Variants in HECW2 observed in about 807,000 individuals in gnomAD.
HECW2 encodes the protein E3 ubiquitin-protein ligase HECW2.
A neutral mutation model predicts 175.2 loss-of-function variants in HECW2; 61 were observed. The ratio of observed to expected loss-of-function variants is 0.35; its 90% CI spans 0.28 to 0.43. HECW2 has a LOEUF of 0.43. Among genes scored for constraint, HECW2 ranks in the 20% least tolerant of loss-of-function variants. HECW2 has a pLI of 1.00. For synonymous variants in HECW2, 671 were observed against 731.0 expected, an observed-to-expected ratio of 0.92 and a Z score of 1.32; for missense variants, 1,524 against 2,000.5, an observed-to-expected ratio of 0.76 and a Z score of 4.54.
At chr2:196,454,243 G>GT (rs1696435232) in intron 1 of HECW2, among the ~76,000 whole-genome samples, 1 of 152,134 alleles carries the variant, frequency 6.6e-6, no homozygotes, top group South Asian at 2.1e-4. Flanking sequence ...TACATGTATA[G>GT]TTACTTTAAT....
intron 19 of HECW2, among the ~76,000 whole-genome samples, chr2:196,243,705 G>A (rs956094895): frequency 6.6e-6 from 1 of 151,560 alleles, no homozygotes; most frequent in Admixed American, 6.6e-5. Context: ...TCAGCCTCCC[G>A]AGTAGCTGGG....
intron 28 of HECW2, among the ~76,000 whole-genome samples, chr2:196,202,304 T>C (rs528300551): frequency 6.6e-6 from 1 of 152,338 alleles, no homozygotes; most frequent in East Asian, 1.9e-4. Context: ...TCTATACTTT[T>C]ACTCTGATAA....
At chr2:196,303,217 T>C (rs185214436) in intron 13 of HECW2, among the ~76,000 whole-genome samples, 103 of 152,364 alleles carry the variant, frequency 6.8e-4, no homozygotes, top group Non-Finnish European at 1.2e-3. Flanking sequence ...GAATCACATG[T>C]ATTGATTTGC....
chr2:196,329,883 A>G (rs1182118475), intron 4 of HECW2, among the ~76,000 whole-genome samples: 3 of 152,232 alleles, frequency 2.0e-5, no homozygotes, highest in Admixed American at 6.5e-5. Flanking sequence ...AAAATTTCCA[A>G]TAACTATGAA....
In HECW2 at chr2:196,317,260, T is replaced by C. The variant is rs756229704; in HGVS notation, c.2434+14A>G. The C allele has an allele frequency of 6.9e-6, 11 of 1,599,398 alleles. No homozygotes were observed. The South Asian group carries it at 1.1e-4, about 16-fold the overall frequency. ...TTTGATTAAGGTGGGCCCTTTTAAC[T>C]AACAGGTCCTCACTTGGTGGGAGAG... is the stretch of plus-strand genomic sequence containing the variant. On this transcript the variant is annotated intron_variant, in intron 10 of 28. Transcript: ENST00000644978.
At position 196,437,611 on chromosome 2, in the gene HECW2, C is replaced by CA. The variant is rs59563276; in HGVS notation, c.-35-4154dup. On this transcript the variant is annotated intron_variant, in intron 1 of 28. Coordinates refer to ENST00000644978, the MANE Select transcript of HECW2 (RefSeq NM_001348768.2). The stretch of plus-strand genomic sequence containing the variant: ...TGGGCAACAGAGTGAGACTCTGTCT[C>CA]AAAAAAAAAAAAAGCACCAGCCTTG... 1.4e-4 allele frequency among the ~76,000 whole-genome samples: 8 copies of CA among 55,786 alleles called. 1 individual carries two copies. The highest frequency in any genetic ancestry group is 3.1e-4 in the African/African-American group (5 of 15,970). The allele number at this position is 55,786 out of a possible 152,430, so 36.6% of individuals were successfully genotyped here. A position where few individuals can be genotyped will look rare whatever the true frequency, so the allele number is the denominator to read the frequency against.
intron 2 of HECW2, among the ~76,000 whole-genome samples, chr2:196,374,887 G>T (rs993304431): frequency 1.1e-4 from 17 of 151,880 alleles, no homozygotes; most frequent in Non-Finnish European, 2.2e-4. Flanking sequence ...TTTTGGCCGG[G>T]CGCAGTGGCT....
intron 1 of HECW2, among the ~76,000 whole-genome samples, chr2:196,499,308 TA>T (rs113064018): frequency 5.3e-3 from 705 of 134,238 alleles, no homozygotes; most frequent in African/African-American, 9.9e-3. Flanking sequence ...ACAAACTTCT[TA>T]AAAAAAAAAA....
intron 1 of HECW2, among the ~76,000 whole-genome samples, chr2:196,579,750 T>C (rs1690701223): frequency 6.6e-6 from 1 of 152,082 alleles, no homozygotes; most frequent in Non-Finnish European, 1.5e-5. Flanking sequence ...GGTGTCCTTA[T>C]AAGAAGAGGA....
At chr2:196,343,470 C>T (rs1296728626) in intron 3 of HECW2, among the ~76,000 whole-genome samples, 187 bp downstream of exon 3, 3 of 152,082 alleles carry the variant, frequency 2.0e-5, no homozygotes, top group Non-Finnish European at 4.4e-5. Flanking sequence ...TAAACACATA[C>T]AGTTTTTTCA....
chr2:196,458,714 A>G (rs1696618037), intron 1 of HECW2, among the ~76,000 whole-genome samples: 1 of 151,682 alleles, frequency 6.6e-6, no homozygotes, highest in Non-Finnish European at 1.5e-5. Flanking sequence ...AAAAATACAA[A>G]AATTAGCTGG....
chr2:196,216,778 G>A (rs1687490888), intron 27 of HECW2, among the ~76,000 whole-genome samples: 1 of 152,122 alleles, frequency 6.6e-6, no homozygotes, highest in South Asian at 2.1e-4. Flanking sequence ...TCTTGGACTG[G>A]ACTTGACACT....
chr2:196,558,641 T>C (rs1440807239), intron 1 of HECW2, among the ~76,000 whole-genome samples: 1 of 152,230 alleles, frequency 6.6e-6, no homozygotes, highest in African/African-American at 2.4e-5. Flanking sequence ...TGTTGGCGTA[T>C]CCCTTGTGTA....
At chr2:196,403,672 C>T (rs894845023) in intron 2 of HECW2, among the ~76,000 whole-genome samples, 4 of 152,084 alleles carry the variant, frequency 2.6e-5, no homozygotes, top group African/African-American at 9.7e-5. Context: ...GGAAATGAAC[C>T]AAAACATTCT....
chr2:196,208,681 A>G (rs1233011540), intron 28 of HECW2, among the ~76,000 whole-genome samples: 1 of 152,224 alleles, frequency 6.6e-6, no homozygotes, highest in Non-Finnish European at 1.5e-5. Context: ...GGACCAGCAG[A>G]TAAGTGTTAT....
Position 196,319,081 on chromosome 2 carries a change from C to G in HECW2, c.1809G>C (p.Gln603His). The G allele has an allele frequency of 6.2e-7, 1 of 1,606,940 alleles. No homozygotes were observed. Among genetic ancestry groups the G allele is most frequent in the Non-Finnish European group, 8.5e-7 (1 of 1,176,730 alleles). Residue 603 changes from glutamine to histidine, a missense_variant, in exon 9 of 29, where the codon CAG becomes CAC. Physicochemically the swap from Gln to His is conservative, Grantham distance 24 (BLOSUM62 0). Around this residue, in one of 11 missense-constraint regions of HECW2, gnomAD observed 604 missense variants for 588.3 expected, o/e 1.03. Transcript: ENST00000644978. The stretch of plus-strand genomic sequence containing the variant: ...AGGACACCTGGGAAGGCTCAGAGCC[C>G]TGATCGAGAGACTCGGTCTCACTGA... The part of the protein sequence containing the change: ...RAVSETESLD[Q>H]GSEPSQVSSE...
intron 24 of HECW2, 50 bp downstream of exon 24, chr2:196,222,160 CA>C: frequency 6.4e-7 from 1 of 1,565,902 alleles, no homozygotes. Flanking sequence ...CTTCACTCAT[CA>C]ATAGCCTTCA....
chr2:196,274,952 A>G (rs568035576), intron 15 of HECW2, among the ~76,000 whole-genome samples: 3 of 152,374 alleles, frequency 2.0e-5, no homozygotes, highest in East Asian at 1.9e-4. Flanking sequence ...ATAAGAAAAA[A>G]TAACACACTG....
At chr2:196,340,591 G>A (rs1360824621) in intron 3 of HECW2, among the ~76,000 whole-genome samples, 9 of 47,228 alleles carry the variant, frequency 1.9e-4, no homozygotes, top group African/African-American at 4.4e-4. Flanking sequence ...GCAAGACTCC[G>A]TCTCAAAAAA....
Sources: gnomAD v4.1 joint callset for allele counts (sites outside exome capture counted in the v4.1 genomes callset) on GRCh38, gnomAD v4.1.1 for gene constraint, gnomAD v4.1.1 regional missense constraint, MANE v1.5 for transcripts, NCBI Gene and HGNC (gene_info 2026-07-23, HGNC 2026-07-21) for gene names.